The following TRPC5 variants were observed in gnomAD, a reference collection of about 807,000 sequenced individuals.
The protein encoded by TRPC5 is short transient receptor potential channel 5.
TRPC5 carries 9 observed loss-of-function variants against 56.5 expected under a neutral mutation model. The observed-to-expected ratio is 0.16, with a 90% CI of 0.10 to 0.28. The LOEUF is 0.28. TRPC5 is among the 10% of genes least tolerant of loss of function. The pLI, the probability that TRPC5 is intolerant of heterozygous loss-of-function variation, is 1.00. For synonymous variants in TRPC5, 282 were observed against 278.5 expected (o/e 1.01, Z -0.13); for missense variants, 469 against 748.9 (o/e 0.63, Z 4.36).
rs1945878023 is a variant in TRPC5, at chrX:111,776,361, C to G, written c.2874G>C (p.Met958Ile). ...CTTCCTGTCCATCACCCCATTTGTG[C>G]ATGAGCAAGTCACAAGCCTCTCCCC... Reference protein sequence around the residue: ...ETWGEACDLLMHKWGDGQEEQ... With the variant: ...ETWGEACDLLIHKWGDGQEEQ... Residue 958 changes from methionine (M) to isoleucine (I), a missense_variant, in exon 11 of 11, where the codon ATG becomes ATC. By Grantham distance (10) the Met-to-Ile change is conservative (BLOSUM62 1). Coordinates refer to ENST00000262839, the MANE Select transcript of TRPC5 (RefSeq NM_012471.3). The G allele has an allele frequency of 4.2e-6, 5 of 1,199,105 alleles. No individual in the cohort carries two copies. Among genetic ancestry groups the G allele is most frequent in the African/African-American group, 1.8e-5 (1 of 56,733 alleles).
chrX:112,079,349 T>A (rs1398698682), intron 1 of TRPC5, among the ~76,000 whole-genome samples: 1 of 112,204 alleles, frequency 8.9e-6, no homozygotes, highest in African/African-American at 3.2e-5. Context: ...AGCACCTGAA[T>A]GGCTTGCAGA....
chrX:111,974,941 T>G (rs1927879530), intron 1 of TRPC5, among the ~76,000 whole-genome samples: 1 of 111,414 alleles, frequency 9.0e-6, no homozygotes, highest in Non-Finnish European at 1.9e-5. Flanking sequence ...ACAAAAAACT[T>G]AAAAGGAAAA....
chrX:111,930,856 C>T (rs1926392669), intron 2 of TRPC5: 1 of 112,180 alleles, frequency 8.9e-6, no homozygotes, highest in African/African-American at 3.3e-5. Context: ...ACCTGGTGCT[C>T]TCGGCAGGCA....
chrX:111,981,370 A>T (rs1384185790), intron 1 of TRPC5, among the ~76,000 whole-genome samples: 1 of 111,450 alleles, frequency 9.0e-6, no homozygotes, highest in African/African-American at 3.3e-5. Flanking sequence ...CCTTCAACTG[A>T]TTGGATTGAG....
chrX:112,047,212 T>G (rs1203150915), intron 1 of TRPC5, among the ~76,000 whole-genome samples: 1 of 110,934 alleles, frequency 9.0e-6, no homozygotes, highest in African/African-American at 3.3e-5. Context: ...ATTCTCTGAT[T>G]TATGTATTTG....
rs146629579 is a variant in TRPC5, at chrX:111,784,149, A to G, written c.1897-2011T>C. Among the ~76,000 whole-genome samples, 665 of 111,847 alleles carry G rather than the reference A, an allele frequency of 5.9e-3. 4 individuals are homozygous for G. The highest frequency in any genetic ancestry group is 0.02 in the African/African-American group (625 of 30,791). ...TACTTTATACCACGTACAAAACTCA[A>G]AATGGATCATAGACCTATACTTAAC... On this transcript the variant is annotated intron_variant, in intron 7 of 10. Coordinates refer to ENST00000262839, the MANE Select transcript of TRPC5 (RefSeq NM_012471.3).
chrX:111,980,176 A>C (rs1928040697), intron 1 of TRPC5, among the ~76,000 whole-genome samples: 1 of 112,001 alleles, frequency 8.9e-6, no homozygotes, highest in Admixed American at 9.5e-5. Flanking sequence ...ATGCTACAAT[A>C]TTGATAAATT....
chrX:111,865,833 G>T, intron 3 of TRPC5, among the ~76,000 whole-genome samples: 1 of 112,505 alleles, frequency 8.9e-6, no homozygotes, highest in Non-Finnish European at 1.9e-5. Context: ...CTTAGTGTGT[G>T]AAAGGAGTCC....
At chrX:112,072,003 C>A (rs758217386) in intron 1 of TRPC5, among the ~76,000 whole-genome samples, 2 of 112,327 alleles carry the variant, frequency 1.8e-5, no homozygotes, top group East Asian at 2.8e-4. Context: ...CTGAAAGATT[C>A]TTTTCTCCGA....
intron 3 of TRPC5, among the ~76,000 whole-genome samples, chrX:111,879,544 A>G (rs1031343664): frequency 3.6e-5 from 4 of 112,458 alleles, no homozygotes; most frequent in African/African-American, 1.3e-4. Flanking sequence ...GCACATCTTT[A>G]TCAAGTACCT....
In TRPC5 at chrX:112,030,287, T is replaced by G. The variant is rs186586855; in HGVS notation, c.-22+51592A>C. On this transcript the variant is annotated intron_variant, in intron 1 of 10. Coordinates refer to ENST00000262839, the MANE Select transcript of TRPC5 (RefSeq NM_012471.3). ...TCTTGTGTAATACATACAATAACCC[T>G]ACAAGCTAAGTATTATTATTTATAA... 6.2e-5 allele frequency among the ~76,000 whole-genome samples: 7 copies of G among 112,676 alleles called. No individual in the cohort carries two copies. The East Asian group carries it at 1.7e-3, about 27-fold the overall frequency.
At chrX:112,035,020 A>C (rs1244138398) in intron 1 of TRPC5, among the ~76,000 whole-genome samples, 1 of 99,077 alleles carries the variant, frequency 1.0e-5, no homozygotes, top group Non-Finnish European at 2.1e-5. Context: ...GGTTTGCTTT[A>C]TTCTTCTTTT....
intron 1 of TRPC5, among the ~76,000 whole-genome samples, chrX:111,964,814 C>T (rs1305237743): frequency 1.8e-5 from 2 of 111,299 alleles, no homozygotes; most frequent in Non-Finnish European, 3.8e-5. Flanking sequence ...TAAAAGAGCT[C>T]CTGAAGGAAG....
chrX:111,904,620 C>T (rs1403354021), intron 3 of TRPC5, among the ~76,000 whole-genome samples: 1 of 110,173 alleles, frequency 9.1e-6, no homozygotes, highest in Non-Finnish European at 1.9e-5. Flanking sequence ...GCAACACACG[C>T]TGGGGCCTGT....
intron 1 of TRPC5, among the ~76,000 whole-genome samples, chrX:111,962,812 ATTG>A (rs779889606): frequency 1.8e-5 from 2 of 112,088 alleles, no homozygotes; most frequent in Non-Finnish European, 3.8e-5. Flanking sequence ...GGCAAACTTA[ATTG>A]TTGTCTTATT....
intron 7 of TRPC5, among the ~76,000 whole-genome samples, chrX:111,811,862 AT>A (rs909417312): frequency 4.5e-5 from 5 of 111,214 alleles, no homozygotes; most frequent in African/African-American, 1.6e-4. Context: ...TTGAGTTCTC[AT>A]TTTACCCTTT....
At chrX:112,039,266 A>C (rs751799392) in intron 1 of TRPC5, among the ~76,000 whole-genome samples, 1 of 111,873 alleles carries the variant, frequency 8.9e-6, no homozygotes, top group African/African-American at 3.3e-5. Context: ...AATATATAAA[A>C]GGCATAGCTG....
At chrX:111,797,005 G>T (rs915134757) in intron 7 of TRPC5, among the ~76,000 whole-genome samples, 1 of 112,379 alleles carries the variant, frequency 8.9e-6, no homozygotes, top group South Asian at 3.6e-4. Flanking sequence ...TTGCACATGA[G>T]ATTTTTAAAA....
intron 1 of TRPC5, among the ~76,000 whole-genome samples, chrX:112,063,138 G>A (rs189842097): frequency 1.1e-4 from 12 of 111,488 alleles, no homozygotes; most frequent in Admixed American, 2.9e-4. Context: ...GTCTTAGGCT[G>A]GTTTGCAAAA....
Sources: gnomAD v4.1 joint callset for allele counts (sites outside exome capture counted in the v4.1 genomes callset) on GRCh38, gnomAD v4.1.1 for gene constraint, MANE v1.5 for transcripts, NCBI Gene and HGNC (gene_info 2026-07-23, HGNC 2026-07-21) for gene names.